The following CDK1 variants were observed in gnomAD, a reference collection of about 807,000 sequenced individuals.
CDK1 encodes the protein cyclin dependent kinase 1.
CDK1 carries 5 observed loss-of-function variants against 34.6 expected under a neutral mutation model. The observed-to-expected ratio is 0.14, with a 90% CI of 0.08 to 0.30. CDK1 has a LOEUF of 0.30. Ranked by LOEUF, CDK1 falls within the 10% of genes least tolerant of loss-of-function variation. CDK1 has a pLI of 1.00. For missense variants in CDK1, 157 were observed against 345.7 expected (o/e 0.45, Z 4.33); for synonymous variants, 108 against 114.7 (o/e 0.94, Z 0.37).
chr10:60,791,659 T>C (rs1210890059), intron 5 of CDK1, among the ~76,000 whole-genome samples: 5 of 152,138 alleles, frequency 3.3e-5, no homozygotes, highest in Non-Finnish European at 7.4e-5. Flanking sequence ...TTTAGTGATT[T>C]GAAAAGCAAA....
intron 5 of CDK1, among the ~76,000 whole-genome samples, chr10:60,789,609 A>G (rs2080342312): frequency 6.6e-6 from 1 of 152,172 alleles, no homozygotes; most frequent in African/African-American, 2.4e-5. Context: ...TGTGTACACT[A>G]CATTTTCTGT....
chr10:60,785,296 A>G (rs2080306308), intron 3 of CDK1, among the ~76,000 whole-genome samples: 1 of 152,216 alleles, frequency 6.6e-6, no homozygotes, highest in Non-Finnish European at 1.5e-5. Flanking sequence ...CCAAGTTAAA[A>G]TCTAATTGTA....
At chr10:60,793,757 T>C (rs2080377572) in intron 7 of CDK1, 120 bp from the exon 8 acceptor site, 2 of 589,674 alleles carry the variant, frequency 3.4e-6, no homozygotes, top group Non-Finnish European at 6.0e-6. Context: ...GCTCATTTAA[T>C]AGATATTCAC....
At chr10:60,785,897 A>G in intron 4 of CDK1, 110 bp downstream of exon 4, 4 of 1,343,400 alleles carry the variant, frequency 3.0e-6, no homozygotes, top group Non-Finnish European at 3.8e-6. Flanking sequence ...TGTTAGAATA[A>G]GAAAAAGTAT....
intron 1 of CDK1, chr10:60,778,792 C>A: frequency 6.6e-6 from 1 of 151,678 alleles, no homozygotes. Flanking sequence ...CCCAGCCTGG[C>A]GGGGTTAGGC....
At chr10:60,788,639 G>C (rs1474238044) in intron 5 of CDK1, among the ~76,000 whole-genome samples, 1 of 151,954 alleles carries the variant, frequency 6.6e-6, no homozygotes, top group African/African-American at 2.4e-5. Context: ...CCTGATTATA[G>C]TCAGATTGAT....
At chr10:60,791,092 A>G (rs962048981) in intron 5 of CDK1, among the ~76,000 whole-genome samples, 2 of 152,038 alleles carry the variant, frequency 1.3e-5, no homozygotes, top group African/African-American at 2.4e-5. Context: ...TGGAGATTGC[A>G]CTGAATTTGT....
intron 4 of CDK1, chr10:60,786,414 C>T (rs1321109392): frequency 9.7e-6 from 7 of 723,552 alleles, no homozygotes; most frequent in South Asian, 6.3e-5. Context: ...ATTATCAAGA[C>T]GTAGATCTAC....
At chr10:60,789,427 A>G (rs933386945) in intron 5 of CDK1, among the ~76,000 whole-genome samples, 1 of 152,132 alleles carries the variant, frequency 6.6e-6, no homozygotes, top group African/African-American at 2.4e-5. Flanking sequence ...ATTCCACTCT[A>G]TGGCCATTAG....
intron 4 of CDK1, chr10:60,786,867 A>T (rs1035883814): frequency 1.0e-6 from 1 of 977,796 alleles, no homozygotes; most frequent in African/African-American, 1.8e-5. Flanking sequence ...ACAATCTTGC[A>T]TGACTTTTGG....
intron 2 of CDK1, among the ~76,000 whole-genome samples, chr10:60,781,915 G>A (rs1402301295): frequency 6.6e-6 from 1 of 152,096 alleles, no homozygotes; most frequent in Non-Finnish European, 1.5e-5. Flanking sequence ...AATAACATCT[G>A]TTTTCCTTGT....
rs1287451334 is a variant in CDK1, at chr10:60,788,195, G to A, written c.454G>A (p.Ala152Thr). ...ACTGGCTGATTTTGGCCTTGCCAGAGCTTTTGGAATACCTATCAGAGTATA... is the reference window on the plus strand; with the variant it reads ...ACTGGCTGATTTTGGCCTTGCCAGAACTTTTGGAATACCTATCAGAGTATA... ...IKLADFGLAR[A>T]FGIPIRVYTH... is the part of the protein sequence containing the mutation. The change falls in exon 5 of 8, where the codon GCT (alanine) becomes ACT (threonine). Residue 152 changes from alanine to threonine, a missense_variant. Coordinates refer to ENST00000395284, the MANE Select transcript of CDK1 (RefSeq NM_001786.5). The A allele has an allele frequency of 6.2e-7, 1 of 1,611,664 alleles. No individual in the cohort carries two copies. Among genetic ancestry groups the A allele is most frequent in the Non-Finnish European group, 8.5e-7 (1 of 1,178,560 alleles).
rs2080331180 is a variant in CDK1 at position 60,788,104 on chromosome 10, T to C, written c.363T>C (p.Ser121=). ...TACAGGGGATTGTGTTTTGTCACTC[T>C]AGAAGAGTTCTTCACAGAGACTTAA... ...QILQGIVFCH[S]RRVLHRDLKP... The change falls in exon 5 of 8, where the codon TCT becomes TCC. Residue 121 remains serine, a synonymous_variant. Transcript: ENST00000395284. The C allele has an allele frequency of 6.2e-7, 1 of 1,604,566 alleles. No individual in the cohort carries two copies. The highest frequency in any genetic ancestry group is 1.3e-5 in the African/African-American group (1 of 74,692).
intron 5 of CDK1, among the ~76,000 whole-genome samples, chr10:60,789,689 A>G (rs995124324): frequency 6.6e-6 from 1 of 152,180 alleles, no homozygotes; most frequent in African/African-American, 2.4e-5. Context: ...ACTATTGTGA[A>G]TAGTGCTTCA....
At chr10:60,778,848 G>C (rs1244524784) in intron 1 of CDK1, among the ~76,000 whole-genome samples, 1 of 152,234 alleles carries the variant, frequency 6.6e-6, no homozygotes, top group Admixed American at 6.5e-5. Context: ...GTCGAGGTCG[G>C]CTGTTCTCAG....
chr10:60,785,875 G>C (rs1334124038), intron 4 of CDK1, 88 bp downstream of exon 4: 14 of 1,371,194 alleles, frequency 1.0e-5, no homozygotes, highest in Non-Finnish European at 1.3e-5. Context: ...GTGGGAATAT[G>C]CTTGGAAAAA....
upstream of CDK1, chr10:60,778,477 C>G (rs2132058134): frequency 6.6e-6 from 1 of 152,388 alleles, no homozygotes; most frequent in African/African-American, 2.4e-5. Context: ...TGAAACTGCT[C>G]GCACTTGGCT....
intron 2 of CDK1, among the ~76,000 whole-genome samples, chr10:60,783,204 G>A (rs184126570): frequency 6.6e-4 from 101 of 152,236 alleles, no homozygotes; most frequent in African/African-American, 2.3e-3. Context: ...AAGGATGGCT[G>A]TGAGGATTAA....
At chr10:60,789,308 C>T (rs2080339472) in intron 5 of CDK1, among the ~76,000 whole-genome samples, 1 of 152,098 alleles carries the variant, frequency 6.6e-6, no homozygotes, top group East Asian at 1.9e-4. Flanking sequence ...TAACTGTAGT[C>T]AGCTTACAGT....
Sources: gnomAD v4.1 joint callset for allele counts (sites outside exome capture counted in the v4.1 genomes callset) on GRCh38, gnomAD v4.1.1 for gene constraint, MANE v1.5 for transcripts, NCBI Gene and HGNC (gene_info 2026-07-23, HGNC 2026-07-21) for gene names.